The following RIPK1 variants were observed in gnomAD, a reference collection of about 807,000 sequenced individuals.
RIPK1 encodes the protein receptor-interacting serine/threonine-protein kinase 1.
In RIPK1, 27 loss-of-function variants were observed where a neutral mutation model predicts 62.4. The ratio of observed to expected loss-of-function variants is 0.43; its 90% CI spans 0.32 to 0.60. The LOEUF is 0.60. Among genes scored for constraint, RIPK1 ranks in the 20% least tolerant of loss-of-function variants. The pLI, the probability that RIPK1 is intolerant of heterozygous loss-of-function variation, is 0.07. For missense variants in RIPK1, 735 were observed against 831.0 expected (o/e 0.88, Z 1.42); for synonymous variants, 287 against 303.2 (o/e 0.95, Z 0.55).
intron 9 of RIPK1, among the ~76,000 whole-genome samples, chr6:3,106,913 T>A (rs934959654): frequency 6.6e-6 from 1 of 152,222 alleles, no homozygotes; most frequent in Non-Finnish European, 1.5e-5. Context: ...AGTATTGCCA[T>A]ATCATTTTAT....
At position 3,076,837 on chromosome 6, in the gene RIPK1, T is replaced by A. The variant is rs1196002119; in HGVS notation, c.14T>A (p.Met5Lys). The change falls in exon 2 of 11, where the codon ATG (methionine) becomes AAG (lysine). Residue 5 changes from methionine (M) to lysine (K), a missense_variant. By Grantham distance (95) the Met-to-Lys change is moderately conservative. Around this residue, in one of 2 missense-constraint regions of RIPK1, gnomAD observed 671 missense variants for 726.2 expected, o/e 0.92. Transcript: ENST00000259808. MQPD[M>K]SLNVIKMKSS... is the part of the protein sequence containing the mutation. The stretch of plus-strand genomic sequence containing the variant: ...TTGAGCTTCAGAATGCAACCAGACA[T>A]GTCCTTGAATGTCATTAAGATGAAA... The A allele has an allele frequency of 6.2e-7, 1 of 1,613,132 alleles. No individual in the cohort carries two copies. The highest frequency in any genetic ancestry group is 2.2e-5 in the East Asian group (1 of 44,840).
chr6:3,103,690 C>G (rs1162579866), intron 7 of RIPK1, among the ~76,000 whole-genome samples: 3 of 152,158 alleles, frequency 2.0e-5, no homozygotes, highest in African/African-American at 7.2e-5. Flanking sequence ...TGTGTCATAA[C>G]CAAGAAATCG....
rs1216141120 is a variant in RIPK1, at chr6:3,072,356, C to CT, written c.-61+3701dup. On this transcript the variant is annotated intron_variant, in intron 1 of 10. Transcript: ENST00000259808. The surrounding 1 kb of genome is among the most constrained non-coding windows in gnomAD (Gnocchi z 5.6). ...TGTTAACATTTTGGTGTCTTTATGT[C>CT]TTTTTTATCTGTACTTATATCTTTA... is the stretch of plus-strand genomic sequence containing the variant. Among the ~76,000 whole-genome samples the CT allele has an allele frequency of 2.0e-5, 3 of 150,686 alleles. No homozygotes were observed. Among genetic ancestry groups the CT allele is most frequent in the Admixed American group, 6.6e-5 (1 of 15,050 alleles).
At chr6:3,096,883 G>T (rs1301091168) in intron 7 of RIPK1, among the ~76,000 whole-genome samples, 3 of 150,236 alleles carry the variant, frequency 2.0e-5, no homozygotes, top group African/African-American at 7.3e-5. Flanking sequence ...GTTTTGTTTT[G>T]TTTTTGAGAC....
chr6:3,089,547 A>G, intron 6 of RIPK1, 34 bp from the exon 7 acceptor site: 1 of 993,242 alleles, frequency 1.0e-6, no homozygotes, highest in South Asian at 1.4e-5. Context: ...TTAGAAAATA[A>G]TTAAGAAATT....
chr6:3,087,386 T>C (rs1759754561), intron 6 of RIPK1, among the ~76,000 whole-genome samples: 2 of 152,052 alleles, frequency 1.3e-5, no homozygotes, highest in South Asian at 4.1e-4. Context: ...GTTATGGTTA[T>C]AGTCCCACAG....
At chr6:3,110,426 C>G (rs185632344) in intron 9 of RIPK1, among the ~76,000 whole-genome samples, 6 of 152,052 alleles carry the variant, frequency 3.9e-5, no homozygotes, top group African/African-American at 1.2e-4. Flanking sequence ...CCAGGCTGGT[C>G]TTGAACTCCT....
At chr6:3,083,985 T>C (rs969237781) in intron 5 of RIPK1, among the ~76,000 whole-genome samples, 7 of 152,176 alleles carry the variant, frequency 4.6e-5, no homozygotes, top group African/African-American at 1.7e-4. Context: ...GCCATCCTTT[T>C]ACCAAGTTGT....
Position 3,104,240 on chromosome 6 carries a change from GA to G in RIPK1, c.935del (p.Asn312MetfsTer4). On this transcript the variant is annotated frameshift_variant, in exon 8 of 11. Transcript: ENST00000259808. LOFTEE classifies it high-confidence loss of function. ...TTAATTATAGAAAGAGTATTCAAAC[GA>G]AAATGCAGTTGTGAAGAGAATGCAG... is the stretch of plus-strand genomic sequence containing the variant. ...VKSLKKEYSN[E>X]NAVVKRMQSL... 6.3e-7 allele frequency: 1 copy of G among 1,579,744 alleles called. No homozygotes were observed. Among genetic ancestry groups the G allele is most frequent in the Non-Finnish European group, 8.7e-7 (1 of 1,150,490 alleles).
At chr6:3,085,521 G>C in intron 6 of RIPK1, 113 bp downstream of exon 6, 1 of 1,131,994 alleles carries the variant, frequency 8.8e-7, no homozygotes, top group Non-Finnish European at 1.3e-6. Context: ...GACTTGACTT[G>C]TGGTTTTAAA....
At chr6:3,068,810 G>A in intron 1 of RIPK1, 149 bp downstream of exon 1, 1 of 309,214 alleles carries the variant, frequency 3.2e-6, no homozygotes, top group Non-Finnish European at 4.7e-6. Flanking sequence ...CTCCGCCGCC[G>A]CTTCTTCCCT....
chr6:3,088,507 C>G (rs746121066), intron 6 of RIPK1, among the ~76,000 whole-genome samples: 13 of 152,216 alleles, frequency 8.5e-5, no homozygotes, highest in Admixed American at 4.6e-4. Flanking sequence ...AGTGGAGGCG[C>G]TCATTATCAG....
chr6:3,078,400 T>C (rs1042290401), intron 3 of RIPK1, among the ~76,000 whole-genome samples: 3 of 152,202 alleles, frequency 2.0e-5, no homozygotes, highest in Non-Finnish European at 4.4e-5. Flanking sequence ...CTTCCTTGCC[T>C]TTTACTGCCC....
intron 6 of RIPK1, 68 bp from the exon 7 acceptor site, chr6:3,089,513 G>C: frequency 1.2e-6 from 1 of 804,686 alleles, no homozygotes; most frequent in Non-Finnish European, 2.1e-6. Context: ...AAAGATAATA[G>C]ATGGCTAATA....
rs2113529430 is a variant in RIPK1, at chr6:3,068,521, C to T, written c.-201C>T. ...TCCACGCCCTCCAGCCGGGCGCGCTCGACGCGGACGGCGGGCCAGCTGCCG... is the reference window on the plus strand; with the variant it reads ...TCCACGCCCTCCAGCCGGGCGCGCTTGACGCGGACGGCGGGCCAGCTGCCG... On this transcript the variant is annotated 5_prime_UTR_variant, in exon 1 of 11. Coordinates refer to ENST00000259808, the MANE Select transcript of RIPK1 (RefSeq NM_001354930.2). The T allele has an allele frequency of 3.0e-6, 3 of 985,244 alleles. No homozygotes were observed. Among genetic ancestry groups the T allele is most frequent in the East Asian group, 1.1e-4 (1 of 8,802 alleles). The allele number at this position is 985,244 out of a possible 1,614,324, so 61.0% of individuals were successfully genotyped here.
chr6:3,074,410 A>G (rs747437209), intron 1 of RIPK1, among the ~76,000 whole-genome samples: 7 of 152,180 alleles, frequency 4.6e-5, no homozygotes, highest in Non-Finnish European at 7.3e-5. Context: ...CATCGTGTTC[A>G]TACACCAGTG....
intron 9 of RIPK1, 143 bp from the exon 10 acceptor site, chr6:3,110,660 G>T (rs1761109238): frequency 2.0e-6 from 1 of 501,940 alleles, no homozygotes. Context: ...GGTTTAGCCA[G>T]ATTTGAAAGA....
intron 6 of RIPK1, among the ~76,000 whole-genome samples, chr6:3,085,753 C>G (rs559932584): frequency 3.3e-5 from 5 of 152,200 alleles, no homozygotes; most frequent in African/African-American, 9.7e-5. Context: ...CATCGTCTCT[C>G]TCCCTGCCCC....
At chr6:3,076,295 C>T (rs1759043737) in intron 1 of RIPK1, among the ~76,000 whole-genome samples, 1 of 152,104 alleles carries the variant, frequency 6.6e-6, no homozygotes, top group Non-Finnish European at 1.5e-5. Context: ...AAAAATAGCT[C>T]ATCAGATGAC....
Sources: allele counts gnomAD v4.1 joint callset (sites outside exome capture counted in the v4.1 genomes callset), GRCh38; gene constraint gnomAD v4.1.1; regional missense constraint gnomAD v4.1.1; non-coding constraint Gnocchi (gnomAD v3.1); transcripts MANE v1.5; gene names NCBI Gene and HGNC (gene_info 2026-07-23, HGNC 2026-07-21).